The following NDUFAF8 variants were observed in gnomAD, a reference collection of about 807,000 sequenced individuals.
NDUFAF8 encodes NADH dehydrogenase [ubiquinone] 1 alpha subcomplex assembly factor 8.
Under a neutral mutation model 9.9 loss-of-function variants are expected in NDUFAF8, and 9 were observed. The observed-to-expected ratio is 0.91, with a 90% CI of 0.55 to 1.59. NDUFAF8 has a LOEUF of 1.59. Among genes scored for constraint, NDUFAF8 ranks in the 40% most tolerant of loss-of-function variants. NDUFAF8 has a pLI of 0.00. For missense variants in NDUFAF8, 114 were observed against 113.8 expected (o/e 1.00, Z -0.01); for synonymous variants, 63 against 51.2 (o/e 1.23, Z -0.98).
chr17:81,239,847 G>C, intron 2 of NDUFAF8, 169 bp downstream of exon 2: 1 of 719,504 alleles, frequency 1.4e-6, no homozygotes, highest in Non-Finnish European at 2.3e-6. Flanking sequence ...CGAAACCTCG[G>C]CCGTCCTGGG....
At chr17:81,239,750 T>C (rs1381417956) in intron 2 of NDUFAF8, 72 bp downstream of exon 2, 5 of 1,449,426 alleles carry the variant, frequency 3.4e-6, no homozygotes, top group East Asian at 5.1e-5. Flanking sequence ...CCGGCTTTCC[T>C]TTGCTTTCCC....
At chr17:81,239,523 G>A (rs2062790394) in intron 1 of NDUFAF8, 45 bp from the exon 2 acceptor site, 1 of 1,464,530 alleles carries the variant, frequency 6.8e-7, no homozygotes, top group South Asian at 1.3e-5. Flanking sequence ...GGAGGACGGT[G>A]ACGGGGTCAG....
chr17:81,239,663 C>G lies in NDUFAF8; in HGVS notation c.180C>G (p.Ser60Arg). ...CGCGGGAGTTCGAGGCCCTGCGGAG[C>G]TGCTTCGCCGCTGCGGTAGGTGGGC... ...FCAREFEALR[S>R]CFAAAAKKTL... is the part of the protein sequence containing the mutation. Residue 60 changes from serine (S) to arginine (R), a missense_variant, in exon 2 of 3, where the codon AGC becomes AGG. Transcript: ENST00000431388. 6.5e-7 allele frequency: 1 copy of G among 1,539,452 alleles called. No homozygotes were observed. Among genetic ancestry groups the G allele is most frequent in the Non-Finnish European group, 8.7e-7 (1 of 1,146,536 alleles).
Position 81,239,685 on chromosome 17 carries a change from G to A in NDUFAF8, c.195+7G>A. The A allele has an allele frequency of 6.5e-7, 1 of 1,537,368 alleles. No homozygotes were observed. The highest frequency in any genetic ancestry group is 8.7e-7 in the Non-Finnish European group (1 of 1,146,122). On this transcript the variant is annotated splice_region_variant and intron_variant, in intron 2 of 2. Coordinates refer to ENST00000431388, the MANE Select transcript of NDUFAF8 (RefSeq NM_001086521.2). ...GAGCTGCTTCGCCGCTGCGGTAGGT[G>A]GGCGCGGGCCCCTTCCCCCCTTCCC...
intron 2 of NDUFAF8, among the ~76,000 whole-genome samples, chr17:81,240,681 A>AGG (rs1555623920): frequency 1.1e-4 from 16 of 139,778 alleles, no homozygotes; most frequent in Admixed American, 2.1e-4. Flanking sequence ...AAAAAAAAAA[A>AGG]GGGGGGGGGC....
Position 81,239,441 on chromosome 17 carries a change from G to A in NDUFAF8, c.78G>A (p.Gly26=), listed in dbSNP as rs1326020514. Residue 26 remains glycine (G), a synonymous_variant, in exon 1 of 3, where the codon GGG becomes GGA. Transcript: ENST00000431388. ...TCCCCGAGCGGCTGGCCGCCTGCGG[G>A]GCCGAGGTGAGGAGCCGCGGGCGGG... ...RAFPERLAAC[G]AEAAAYGRCV... 7.3e-7 allele frequency: 1 copy of A among 1,365,338 alleles called. No individual in the cohort carries two copies. 84.6% of individuals were successfully genotyped at this position (1,365,338 alleles called of 1,614,324 possible). A position where few individuals can be genotyped will look rare whatever the true frequency, so the allele number is the denominator to read the frequency against.
intron 1 of NDUFAF8, 37 bp downstream of exon 1, chr17:81,239,484 G>C (rs2062789897): frequency 7.0e-7 from 1 of 1,419,302 alleles, no homozygotes; most frequent in Non-Finnish European, 9.2e-7. Flanking sequence ...TGCGGGGCAG[G>C]AGGAGCCGCG....
chr17:81,239,755 T>C, intron 2 of NDUFAF8, 77 bp downstream of exon 2: 1 of 1,433,266 alleles, frequency 7.0e-7, no homozygotes, highest in South Asian at 1.2e-5. Context: ...TTTCCTTTGC[T>C]TTCCCGTTGG....
At chr17:81,240,502 C>G (rs967450216) in intron 2 of NDUFAF8, 4 of 153,656 alleles carry the variant, frequency 2.6e-5, no homozygotes, top group Non-Finnish European at 4.3e-5. Flanking sequence ...GAGACCCCGT[C>G]TCTACAAAAA....
At chr17:81,240,388 T>C (rs2062804503) in intron 2 of NDUFAF8, 2 of 153,544 alleles carry the variant, frequency 1.3e-5, no homozygotes, top group Non-Finnish European at 2.9e-5. Context: ...GTTGCACTTT[T>C]TGCTGGGTGT....
rs1348524699 is a variant in NDUFAF8 at position 81,241,006 on chromosome 17, G to A, written c.215G>A (p.Gly72Glu). The change falls in exon 3 of 3, where the codon GGA (glycine) becomes GAA (glutamate). Residue 72 changes from glycine (G) to glutamate (E), a missense_variant. Gly to Glu is a moderately conservative substitution (Grantham distance 98). Transcript: ENST00000431388. ...FAAAAKKTLE[G>E]GC ...TTGCAGGCCAAGAAGACGCTGGAGG[G>A]AGGCTGTTAGGAGGGACTCTGAGCT... The A allele has an allele frequency of 1.2e-6, 2 of 1,613,326 alleles. No individual in the cohort carries two copies. The highest frequency in any genetic ancestry group is 1.1e-5 in the South Asian group (1 of 90,956).
At chr17:81,239,854 T>C (rs1307843176) in intron 2 of NDUFAF8, 176 bp downstream of exon 2, 2 of 701,764 alleles carry the variant, frequency 2.8e-6, no homozygotes, top group Admixed American at 2.7e-5. Flanking sequence ...TCGGCCGTCC[T>C]GGGCTTGTCC....
rs367877316 is a variant in NDUFAF8 at position 81,239,620 on chromosome 17, T to C, written c.137T>C (p.Leu46Pro). The change falls in exon 2 of 3, where the codon CTG becomes CCG. Residue 46 changes from leucine (L) to proline (P), a missense_variant. Coordinates refer to ENST00000431388, the MANE Select transcript of NDUFAF8 (RefSeq NM_001086521.2). The part of the protein sequence containing the change: ...VQASTAPGGR[L>P]SKDFCAREFE... ...GCCTCCACGGCCCCGGGCGGCCGCC[T>C]GAGTAAGGACTTCTGCGCGCGGGAG... The C allele has an allele frequency of 1.2e-4, 189 of 1,539,898 alleles. No individual in the cohort carries two copies. The highest frequency in any genetic ancestry group is 2.0e-4 in the Middle Eastern group (1 of 4,964).
chr17:81,239,414 C>T lies in NDUFAF8; in HGVS notation c.51C>T (p.Ala17=), dbSNP rs1328602543. The T allele has an allele frequency of 1.5e-6, 2 of 1,363,612 alleles. No homozygotes were observed. Among genetic ancestry groups the T allele is most frequent in the Non-Finnish European group, 1.9e-6 (2 of 1,057,632 alleles). The allele number at this position is 1,363,612 out of a possible 1,614,324, so 84.5% of individuals were successfully genotyped here. Residue 17 remains alanine, a synonymous_variant, in exon 1 of 3, where the codon GCC becomes GCT. Transcript: ENST00000431388. The part of the protein sequence containing the change: ...VWGRVRSRLR[A]FPERLAACGA... ...GCCGCGTGCGAAGCCGCCTCCGCGC[C>T]TTCCCCGAGCGGCTGGCCGCCTGCG...
chr17:81,239,689 G>T lies in NDUFAF8; in HGVS notation c.195+11G>T. 4 of 1,536,282 alleles carry T rather than the reference G, an allele frequency of 2.6e-6. No individual in the cohort carries two copies. The highest frequency in any genetic ancestry group is 3.5e-6 in the Non-Finnish European group (4 of 1,145,496). On this transcript the variant is annotated intron_variant, in intron 2 of 2. Coordinates refer to ENST00000431388, the MANE Select transcript of NDUFAF8 (RefSeq NM_001086521.2). ...TGCTTCGCCGCTGCGGTAGGTGGGC[G>T]CGGGCCCCTTCCCCCCTTCCCAGCC... is the stretch of plus-strand genomic sequence containing the variant.
chr17:81,241,059 G>C lies in NDUFAF8; in HGVS notation c.*43G>C, dbSNP rs1331874233. The C allele has an allele frequency of 6.2e-7, 1 of 1,608,266 alleles. No individual in the cohort carries two copies. The highest frequency in any genetic ancestry group is 1.3e-5 in the African/African-American group (1 of 74,796). On this transcript the variant is annotated 3_prime_UTR_variant, in exon 3 of 3. Transcript: ENST00000431388. ...ACACCTGTCTGCTGCCATGGGTGCA[G>C]AGCCCTAGTCCTGATGGCCCCTGGT...
In NDUFAF8 at chr17:81,241,142, C is replaced by G; in HGVS notation, c.*126C>G. ...GTGGGAATGGCGAAGATGTGACATT[C>G]CTCGGTGTTAGATCCTGTTTTTTCT... is the stretch of plus-strand genomic sequence containing the variant. On this transcript the variant is annotated 3_prime_UTR_variant, in exon 3 of 3. Coordinates refer to ENST00000431388, the MANE Select transcript of NDUFAF8 (RefSeq NM_001086521.2). 1 of 1,432,202 alleles carries G rather than the reference C, an allele frequency of 7.0e-7. No homozygotes were observed. The highest frequency in any genetic ancestry group is 9.2e-7 in the Non-Finnish European group (1 of 1,083,318). The allele number at this position is 1,432,202 out of a possible 1,614,324, so 88.7% of individuals were successfully genotyped here. A position where few individuals can be genotyped will look rare whatever the true frequency, so the allele number is the denominator to read the frequency against.
chr17:81,239,662 G>T lies in NDUFAF8; in HGVS notation c.179G>T (p.Ser60Ile). ...FCAREFEALR[S>I]CFAAAAKKTL... ...GCGCGGGAGTTCGAGGCCCTGCGGA[G>T]CTGCTTCGCCGCTGCGGTAGGTGGG... is the stretch of plus-strand genomic sequence containing the variant. Residue 60 changes from serine (S) to isoleucine (I), a missense_variant, in exon 2 of 3, where the codon AGC becomes ATC. Ser to Ile is a moderately radical substitution (Grantham distance 142, BLOSUM62 -2). Coordinates refer to ENST00000431388, the MANE Select transcript of NDUFAF8 (RefSeq NM_001086521.2). 6.5e-7 allele frequency: 1 copy of T among 1,539,506 alleles called. No individual in the cohort carries two copies.
intron 2 of NDUFAF8, 108 bp downstream of exon 2, chr17:81,239,786 C>A: frequency 8.2e-7 from 1 of 1,220,360 alleles, no homozygotes; most frequent in Non-Finnish European, 1.1e-6. Flanking sequence ...GAGCGCCTGC[C>A]GCGTGCTTTA....
Sources: gnomAD v4.1 joint callset for allele counts (sites outside exome capture counted in the v4.1 genomes callset) on GRCh38, gnomAD v4.1.1 for gene constraint, MANE v1.5 for transcripts, NCBI Gene and HGNC (gene_info 2026-07-23, HGNC 2026-07-21) for gene names.